The following RNF180 variants were observed in gnomAD, a reference collection of about 807,000 sequenced individuals.
RNF180 encodes the protein ring finger protein 180, also known as E3 ubiquitin-protein ligase RNF180.
Under a neutral mutation model 59.2 loss-of-function variants are expected in RNF180, and 38 were observed. The observed-to-expected ratio is 0.64, with a 90% CI of 0.50 to 0.84. The LOEUF is 0.84. Among genes scored for constraint, RNF180 ranks in the 40% least tolerant of loss-of-function variants. The pLI is 0.00. For synonymous variants in RNF180, 262 were observed against 240.3 expected (o/e 1.09, Z -0.84); for missense variants, 705 against 700.9 (o/e 1.01, Z -0.07).
intron 1 of RNF180, among the ~76,000 whole-genome samples, chr5:64,190,970 C>T (rs1455409233): frequency 6.6e-6 from 1 of 152,158 alleles, no homozygotes; most frequent in Non-Finnish European, 1.5e-5. Context: ...TGAAGTATAA[C>T]TTTTTTTACA....
rs767475646 is a variant in RNF180, at chr5:64,330,261, T to C, written c.1454-20T>C. ...ACTCAAATTAATTTCAAAATCCTAT[T>C]TTCTTTTGCTTTATTCTAGAATTGA... On this transcript the variant is annotated intron_variant, in intron 6 of 7. Transcript: ENST00000389100. The C allele has an allele frequency of 7.2e-7, 1 of 1,391,928 alleles. No individual in the cohort carries two copies. The highest frequency in any genetic ancestry group is 9.8e-7 in the Non-Finnish European group (1 of 1,015,930). 86.2% of individuals were successfully genotyped at this position (1,391,928 alleles called of 1,614,324 possible).
intron 5 of RNF180, among the ~76,000 whole-genome samples, chr5:64,298,357 G>A (rs1157632446): frequency 6.6e-6 from 1 of 151,788 alleles, no homozygotes; most frequent in Non-Finnish European, 1.5e-5. Flanking sequence ...TGTCTTCCAG[G>A]GTTTTTATAG....
At chr5:64,304,912 C>T (rs1005322085) in intron 5 of RNF180, among the ~76,000 whole-genome samples, 2 of 151,586 alleles carry the variant, frequency 1.3e-5, no homozygotes, top group Non-Finnish European at 3.0e-5. Context: ...GTCACAGGCA[C>T]TCCTTCCTCC....
At chr5:64,260,283 A>T (rs980623473) in intron 5 of RNF180, among the ~76,000 whole-genome samples, 1 of 152,130 alleles carries the variant, frequency 6.6e-6, no homozygotes, top group Non-Finnish European at 1.5e-5. Context: ...GTAGCTACAC[A>T]ATATTTTATT....
chr5:64,253,498 T>G (rs1467796270), intron 5 of RNF180, among the ~76,000 whole-genome samples: 1 of 152,182 alleles, frequency 6.6e-6, no homozygotes, highest in Admixed American at 6.6e-5. Context: ...AAATAAAATT[T>G]GATCCCCTGT....
At chr5:64,202,613 A>T (rs535615208) in intron 2 of RNF180, among the ~76,000 whole-genome samples, 15 of 152,182 alleles carry the variant, frequency 9.9e-5, no homozygotes, top group African/African-American at 2.7e-4. Flanking sequence ...TGAGAATTCC[A>T]GTTACATCTT....
rs564014470 is a variant in RNF180, at chr5:64,344,534, A to AC, written c.1579+14128_1579+14129insC. On this transcript the variant is annotated intron_variant, in intron 7 of 7. Coordinates refer to ENST00000389100, the MANE Select transcript of RNF180 (RefSeq NM_001113561.2). ...TATCTCAGGAACTGCTAGAAAAAAA[A>AC]ACACACACAATGATGGTGTACAGGA... Among the ~76,000 whole-genome samples the AC allele has an allele frequency of 2.9e-4, 38 of 130,176 alleles. No individual in the cohort carries two copies. In the East Asian group the frequency reaches 3.1e-3, roughly 11 times the overall value. The allele number at this position is 130,176 out of a possible 152,430, so 85.4% of individuals were successfully genotyped here.
intron 5 of RNF180, among the ~76,000 whole-genome samples, chr5:64,263,925 G>C (rs897706210): frequency 2.6e-5 from 4 of 152,010 alleles, no homozygotes; most frequent in African/African-American, 9.7e-5. Flanking sequence ...ATTTAACCTT[G>C]TGTTACTAAG....
chr5:64,269,988 G>A (rs1312646852), intron 5 of RNF180, among the ~76,000 whole-genome samples: 2 of 151,598 alleles, frequency 1.3e-5, no homozygotes, highest in African/African-American at 4.9e-5. Context: ...TCTGATATAA[G>A]TTACCTATTC....
chr5:64,333,700 G>C (rs754428784), intron 7 of RNF180, among the ~76,000 whole-genome samples: 17 of 152,170 alleles, frequency 1.1e-4, no homozygotes, highest in Admixed American at 3.3e-4. Flanking sequence ...TTCTGAGGTA[G>C]TACAGAAGCT....
chr5:64,284,618 C>G (rs1215278712), intron 5 of RNF180, among the ~76,000 whole-genome samples: 1 of 152,160 alleles, frequency 6.6e-6, no homozygotes, highest in Non-Finnish European at 1.5e-5. Context: ...CTTATCTATT[C>G]TGCTGTTAAA....
At chr5:64,356,787 T>A (rs1009193205) in intron 7 of RNF180, among the ~76,000 whole-genome samples, 1 of 151,716 alleles carries the variant, frequency 6.6e-6, no homozygotes, top group Admixed American at 6.6e-5. Context: ...CAAATTCATA[T>A]AGAAAGAAAG....
chr5:64,221,494 G>A (rs1456198206), intron 5 of RNF180, among the ~76,000 whole-genome samples: 1 of 152,012 alleles, frequency 6.6e-6, no homozygotes, highest in Non-Finnish European at 1.5e-5. Context: ...TTTTATGAAT[G>A]TAAAAATACC....
chr5:64,334,915 G>A (rs1366431395), intron 7 of RNF180, among the ~76,000 whole-genome samples: 1 of 152,182 alleles, frequency 6.6e-6, no homozygotes, highest in Non-Finnish European at 1.5e-5. Context: ...ATGCCAGGTA[G>A]AAACTGGCTG....
At chr5:64,264,116 A>G (rs1308666118) in intron 5 of RNF180, among the ~76,000 whole-genome samples, 1 of 152,086 alleles carries the variant, frequency 6.6e-6, no homozygotes, top group African/African-American at 2.4e-5. Flanking sequence ...AATTTGATGG[A>G]TTATGAAATC....
chr5:64,327,878 G>A (rs1331098123), intron 6 of RNF180, among the ~76,000 whole-genome samples: 1 of 152,166 alleles, frequency 6.6e-6, no homozygotes, highest in Non-Finnish European at 1.5e-5. Flanking sequence ...GTCTCCAACT[G>A]TTATTGTATT....
chr5:64,174,624 T>A lies in RNF180; in HGVS notation c.-1+8671T>A, dbSNP rs149893054. 2.6e-5 allele frequency among the ~76,000 whole-genome samples: 4 copies of A among 152,328 alleles called. No homozygotes were observed. The East Asian group carries it at 7.7e-4, about 29-fold the overall frequency. ...CATTTATATGTCTTCTTTTGACATC[T>A]ATTCAGGTCTTTTGCCCATTTTTGA... On this transcript the variant is annotated intron_variant, in intron 1 of 7. Coordinates refer to ENST00000389100, the MANE Select transcript of RNF180 (RefSeq NM_001113561.2).
intron 5 of RNF180, among the ~76,000 whole-genome samples, chr5:64,268,939 G>A (rs1744846436): frequency 6.6e-6 from 1 of 151,944 alleles, no homozygotes; most frequent in African/African-American, 2.4e-5. Flanking sequence ...TCTCTATCAG[G>A]AAACCCCCAA....
At chr5:64,277,198 A>G (rs1446940409) in intron 5 of RNF180, among the ~76,000 whole-genome samples, 8 of 151,762 alleles carry the variant, frequency 5.3e-5, no homozygotes. Context: ...AAAGGGGAAA[A>G]AAAAAAAAAG....
Sources: allele counts gnomAD v4.1 joint callset (sites outside exome capture counted in the v4.1 genomes callset), GRCh38; gene constraint gnomAD v4.1.1; transcripts MANE v1.5; gene names NCBI Gene and HGNC (gene_info 2026-07-23, HGNC 2026-07-21).